TFCP2: variants seen among roughly 807,000 people sequenced by gnomAD.
TFCP2 encodes the protein alpha-globin transcription factor CP2.
Under a neutral mutation model 73.4 loss-of-function variants are expected in TFCP2, and 33 were observed. That is an observed-to-expected ratio of 0.45 (90% CI 0.34 to 0.60). The LOEUF (loss-of-function observed/expected upper bound fraction) is 0.60. TFCP2 is among the 20% of genes least tolerant of loss of function. The probability of loss-of-function intolerance (pLI) is 0.01; values close to 1 mark genes in which losing one functional copy is unlikely to be tolerated. For synonymous variants in TFCP2, 193 were observed against 211.6 expected (o/e 0.91, Z 0.76); for missense variants, 352 against 604.0 (o/e 0.58, Z 4.37).
rs114364067 is a variant in TFCP2 at position 51,117,452 on chromosome 12, T to G, written c.351+219A>C. ...ACCCTGGACAGGGAGTGGTAAGCGT[T>G]CTATTTCTGCAGCTCTGAAAAATTC... On this transcript the variant is annotated intron_variant, in intron 3 of 14. Transcript: ENST00000257915. Among the ~76,000 whole-genome samples, 195 of 152,258 alleles carry G rather than the reference T, an allele frequency of 1.3e-3. 1 individual carries two copies. The highest frequency in any genetic ancestry group is 4.5e-3 in the African/African-American group (188 of 41,550).
chr12:51,128,478 T>TAAAAAAAA (rs11324129), intron 1 of TFCP2, among the ~76,000 whole-genome samples: 11 of 137,272 alleles, frequency 8.0e-5, no homozygotes, highest in South Asian at 4.6e-4. Context: ...AGTATAATAA[T>TAAAAAAAA]AAAAAAAAAA....
intron 1 of TFCP2, among the ~76,000 whole-genome samples, chr12:51,128,478 T>TAAAAAAA (rs11324129): frequency 3.6e-5 from 5 of 137,288 alleles, no homozygotes; most frequent in African/African-American, 1.3e-4. Context: ...AGTATAATAA[T>TAAAAAAA]AAAAAAAAAA....
intron 1 of TFCP2, among the ~76,000 whole-genome samples, chr12:51,163,183 C>T (rs373552618): frequency 7.2e-5 from 11 of 152,214 alleles, no homozygotes; most frequent in African/African-American, 1.9e-4. Flanking sequence ...GCCTATGGTC[C>T]CAGCTACTTG....
intron 1 of TFCP2, among the ~76,000 whole-genome samples, chr12:51,124,279 A>G (rs1412116335): frequency 1.3e-5 from 2 of 152,202 alleles, no homozygotes; most frequent in African/African-American, 4.8e-5. Context: ...AATTTTTTGT[A>G]GAGATGGGGT....
At chr12:51,159,009 A>C (rs945175417) in intron 1 of TFCP2, among the ~76,000 whole-genome samples, 72,245 of 94,070 alleles carry the variant, frequency 0.77, 25,454 homozygotes, top group African/African-American at 0.8. Flanking sequence ...TAAAAATCCA[A>C]AAAAAAAAAA....
At chr12:51,124,059 A>G (rs1940743341) in intron 1 of TFCP2, among the ~76,000 whole-genome samples, 1 of 151,990 alleles carries the variant, frequency 6.6e-6, no homozygotes, top group African/African-American at 2.4e-5. Context: ...CAAAAACAGT[A>G]GCCTGAAGTA....
intron 1 of TFCP2, among the ~76,000 whole-genome samples, chr12:51,139,786 A>AT (rs1941148063): frequency 6.6e-6 from 1 of 151,942 alleles, no homozygotes; most frequent in Non-Finnish European, 1.5e-5. Context: ...GCTATGATTC[A>AT]TTTTTTGCAC....
At chr12:51,145,881 G>A (rs1941289223) in intron 1 of TFCP2, among the ~76,000 whole-genome samples, 1 of 151,746 alleles carries the variant, frequency 6.6e-6, no homozygotes, top group South Asian at 2.1e-4. Context: ...GAGCCCAGGA[G>A]TTCGAGGCTG....
intron 3 of TFCP2, among the ~76,000 whole-genome samples, 185 bp downstream of exon 3, chr12:51,117,486 A>G (rs59372312): frequency 0.075 from 11,434 of 152,234 alleles, 520 homozygotes; most frequent in African/African-American, 0.12. Context: ...TCATGTGAAT[A>G]CTGGGGCTTA....
At chr12:51,163,079 C>T (rs1286380526) in intron 1 of TFCP2, 2 of 152,104 alleles carry the variant, frequency 1.3e-5, no homozygotes, top group Non-Finnish European at 2.9e-5. Flanking sequence ...GCAGGAGGAT[C>T]ACTTGATCCC....
chr12:51,160,723 C>T (rs1041720605), intron 1 of TFCP2, among the ~76,000 whole-genome samples: 55 of 152,102 alleles, frequency 3.6e-4, no homozygotes, highest in Admixed American at 1.2e-3. Context: ...TTTTAGGACT[C>T]TGGGGTCTAA....
At chr12:51,114,322 TG>T (rs1228253589) in intron 4 of TFCP2, among the ~76,000 whole-genome samples, 1 of 152,166 alleles carries the variant, frequency 6.6e-6, no homozygotes, top group Non-Finnish European at 1.5e-5. Context: ...ATATAAATGA[TG>T]GGCCGGGAGC....
intron 1 of TFCP2, among the ~76,000 whole-genome samples, chr12:51,126,550 C>T (rs1401582443): frequency 2.0e-5 from 3 of 152,174 alleles, no homozygotes; most frequent in South Asian, 4.1e-4. Context: ...ACCAGCTGTT[C>T]GAGATGCTCT....
At chr12:51,095,328 A>G in intron 14 of TFCP2, 50 bp from the exon 15 acceptor site, 2 of 1,583,022 alleles carry the variant, frequency 1.3e-6, no homozygotes, top group Non-Finnish European at 1.7e-6. Flanking sequence ...CCTCTAAAAC[A>G]CAGCAGGAGA....
intron 1 of TFCP2, among the ~76,000 whole-genome samples, chr12:51,127,510 A>G (rs184392338): frequency 6.6e-6 from 1 of 152,232 alleles, no homozygotes; most frequent in Non-Finnish European, 1.5e-5. Context: ...TCAAGAAGGA[A>G]GCTGAAGCTG....
chr12:51,134,259 A>G (rs1344106902), intron 1 of TFCP2, among the ~76,000 whole-genome samples: 2 of 152,178 alleles, frequency 1.3e-5, no homozygotes, highest in Non-Finnish European at 2.9e-5. Context: ...TTCACGAAAC[A>G]ATACTTACTA....
At chr12:51,152,066 A>G (rs555149387) in intron 1 of TFCP2, among the ~76,000 whole-genome samples, 1 of 152,308 alleles carries the variant, frequency 6.6e-6, no homozygotes, top group African/African-American at 2.4e-5. Context: ...CATAGTCTCA[A>G]AACATCTCCC....
At chr12:51,113,161 C>T (rs937562844) in intron 4 of TFCP2, among the ~76,000 whole-genome samples, 3 of 152,156 alleles carry the variant, frequency 2.0e-5, no homozygotes, top group Admixed American at 1.3e-4. Context: ...TCCCACTCCA[C>T]AATATTAGTT....
chr12:51,172,471 CG>C lies in TFCP2; in HGVS notation c.-50del. On this transcript the variant is annotated 5_prime_UTR_variant, in exon 1 of 15. Coordinates refer to ENST00000257915, the MANE Select transcript of TFCP2 (RefSeq NM_005653.5). ...AGACACCGTGTCTTGTACAAAGGCG[CG>C]GAGGGTAATTCTACCCAACAGGAGT... is the stretch of plus-strand genomic sequence containing the variant. 4.3e-6 allele frequency: 7 copies of C among 1,609,570 alleles called. No individual in the cohort carries two copies. The highest frequency in any genetic ancestry group is 5.9e-6 in the Non-Finnish European group (7 of 1,178,360).
Sources: gnomAD v4.1 joint callset for allele counts (sites outside exome capture counted in the v4.1 genomes callset) on GRCh38, gnomAD v4.1.1 for gene constraint, MANE v1.5 for transcripts, NCBI Gene and HGNC (gene_info 2026-07-23, HGNC 2026-07-21) for gene names.